The following PDLIM5 variants were observed in gnomAD, a reference collection of about 807,000 sequenced individuals.
PDLIM5 encodes the protein PDZ and LIM domain protein 5.
Under a neutral mutation model 64.2 loss-of-function variants are expected in PDLIM5, and 34 were observed. The observed-to-expected ratio is 0.53, with a 90% CI of 0.40 to 0.71. The LOEUF is 0.71. Among genes scored for constraint, PDLIM5 ranks in the 30% least tolerant of loss-of-function variants. The pLI is 0.00. For synonymous variants in PDLIM5, 253 were observed against 269.1 expected, an observed-to-expected ratio of 0.94 and a Z score of 0.59; for missense variants, 683 against 733.6, an observed-to-expected ratio of 0.93 and a Z score of 0.80.
At position 94,559,677 on chromosome 4, in the gene PDLIM5, C is replaced by T. The variant is rs544479611; in HGVS notation, c.249-13674C>T. ...AGATTATAATGCAAGTTCAATTTTC[C>T]TCAAATATGGATCTCAACATTAATT... On this transcript the variant is annotated intron_variant, in intron 3 of 12. Coordinates refer to ENST00000317968, the MANE Select transcript of PDLIM5 (RefSeq NM_006457.5). Among the ~76,000 whole-genome samples, 26 of 152,274 alleles carry T rather than the reference C, an allele frequency of 1.7e-4. 1 individual carries two copies. In the South Asian group the frequency reaches 4.4e-3, roughly 25 times the overall value.
chr4:94,558,304 A>G (rs988504031), intron 3 of PDLIM5, among the ~76,000 whole-genome samples: 2 of 152,158 alleles, frequency 1.3e-5, no homozygotes, highest in Non-Finnish European at 2.9e-5. Context: ...CTTGGCTGTA[A>G]GTAAAATTCA....
At chr4:94,622,951 A>G (rs1004525750) in intron 8 of PDLIM5, among the ~76,000 whole-genome samples, 1 of 151,956 alleles carries the variant, frequency 6.6e-6, no homozygotes, top group African/African-American at 2.4e-5. Context: ...TTACAGGCAT[A>G]AGCCACCACG....
intron 7 of PDLIM5, among the ~76,000 whole-genome samples, chr4:94,589,918 G>T (rs546996649): frequency 1.4e-4 from 1 of 7,314 alleles, no homozygotes; most frequent in South Asian, 4.2e-3. Context: ...GGGATTACAG[G>T]TGTGCACCAC....
At chr4:94,452,119 G>C (rs970679397) in intron 1 of PDLIM5, 124 bp downstream of exon 1, 1 of 152,424 alleles carries the variant, frequency 6.6e-6, no homozygotes, top group African/African-American at 2.4e-5. Flanking sequence ...GGCGCTCCTC[G>C]GGCAGGGATG....
intron 5 of PDLIM5, among the ~76,000 whole-genome samples, chr4:94,580,636 T>C (rs1735653452): frequency 6.6e-6 from 1 of 152,156 alleles, no homozygotes; most frequent in Non-Finnish European, 1.5e-5. Context: ...GATTCATTAA[T>C]CTGTTAGGTA....
chr4:94,523,609 T>C lies in PDLIM5; in HGVS notation c.97-115T>C, dbSNP rs1730023902. ...GTACATGTTAAACAAGACAGTTTTA[T>C]GTTACTTCAATAGTATATTAATATA... is the stretch of plus-strand genomic sequence containing the variant. On this transcript the variant is annotated intron_variant, in intron 2 of 12. Transcript: ENST00000317968. The C allele has an allele frequency of 1.0e-5, 6 of 593,258 alleles. No individual in the cohort carries two copies. In the South Asian group the frequency reaches 2.1e-4, roughly 21 times the overall value. The allele number at this position is 593,258 out of a possible 1,614,324, so 36.7% of individuals were successfully genotyped here.
At chr4:94,595,889 A>G (rs1009548267) in intron 7 of PDLIM5, among the ~76,000 whole-genome samples, 6 of 152,216 alleles carry the variant, frequency 3.9e-5, no homozygotes, top group East Asian at 1.9e-4. Context: ...GCCCCAAAAA[A>G]TAGAACAGCA....
intron 9 of PDLIM5, among the ~76,000 whole-genome samples, chr4:94,649,858 C>T (rs1741705318): frequency 6.6e-6 from 1 of 152,202 alleles, no homozygotes; most frequent in South Asian, 2.1e-4. Context: ...AGGTTACCTT[C>T]TTTAGAACTT....
intron 3 of PDLIM5, among the ~76,000 whole-genome samples, chr4:94,528,027 C>T (rs1730529599): frequency 6.6e-6 from 1 of 152,202 alleles, no homozygotes; most frequent in Non-Finnish European, 1.5e-5. Context: ...TCCCTCTGCT[C>T]AGAAGGTCGT....
chr4:94,484,371 A>G (rs1726130145), intron 2 of PDLIM5, among the ~76,000 whole-genome samples: 3 of 152,212 alleles, frequency 2.0e-5, no homozygotes, highest in Non-Finnish European at 4.4e-5. Flanking sequence ...AAAATTTGTG[A>G]GGAAGGCATT....
In PDLIM5 at chr4:94,660,449, T is replaced by A. The variant is rs563131590; in HGVS notation, c.1586-1973T>A. On this transcript the variant is annotated intron_variant, in intron 11 of 12. Transcript: ENST00000317968. ...CAGAGAGGCCTTTTCTAATTTTCCT[T>A]AATAGTGTAGTGCCCCCCCCAATTA... Among the ~76,000 whole-genome samples, 97 of 152,334 alleles carry A rather than the reference T, an allele frequency of 6.4e-4. 1 individual carries two copies. Among genetic ancestry groups the A allele is most frequent in the African/African-American group, 2.2e-3 (92 of 41,578 alleles).
chr4:94,658,856 A>G (rs1325245077), intron 11 of PDLIM5, among the ~76,000 whole-genome samples: 1 of 152,174 alleles, frequency 6.6e-6, no homozygotes, highest in African/African-American at 2.4e-5. Context: ...CATATTTTGT[A>G]ATTCCACTTA....
At chr4:94,483,512 A>G (rs1726055842) in intron 2 of PDLIM5, among the ~76,000 whole-genome samples, 1 of 152,182 alleles carries the variant, frequency 6.6e-6, no homozygotes, top group African/African-American at 2.4e-5. Context: ...AATAAGGTCC[A>G]TACTTTTGGA....
intron 2 of PDLIM5, among the ~76,000 whole-genome samples, chr4:94,520,154 A>G (rs1729707146): frequency 6.6e-6 from 1 of 152,186 alleles, no homozygotes; most frequent in Non-Finnish European, 1.5e-5. Flanking sequence ...TGTGCTTGCA[A>G]CTGAGGTGAG....
At chr4:94,498,125 C>T (rs1727574581) in intron 2 of PDLIM5, among the ~76,000 whole-genome samples, 1 of 152,106 alleles carries the variant, frequency 6.6e-6, no homozygotes. Flanking sequence ...ATTGAGAAAC[C>T]AAGTATTTGT....
chr4:94,502,741 G>T (rs190166364), intron 2 of PDLIM5, among the ~76,000 whole-genome samples: 1 of 152,184 alleles, frequency 6.6e-6, no homozygotes, highest in Non-Finnish European at 1.5e-5. Context: ...GCCGGGCGGG[G>T]TGGTATGCAC....
intron 11 of PDLIM5, among the ~76,000 whole-genome samples, chr4:94,658,587 TAGA>T (rs1390894807): frequency 1.3e-5 from 2 of 152,246 alleles, no homozygotes; most frequent in Admixed American, 1.3e-4. Flanking sequence ...TCTGTGCTGA[TAGA>T]AGGAGGTATT....
chr4:94,643,834 A>G (rs1174874331), intron 9 of PDLIM5, among the ~76,000 whole-genome samples: 1 of 152,174 alleles, frequency 6.6e-6, no homozygotes, highest in Non-Finnish European at 1.5e-5. Context: ...ATCTCAGTTT[A>G]CCAAGGAAAA....
chr4:94,529,314 C>G (rs1730649510), intron 3 of PDLIM5, among the ~76,000 whole-genome samples: 1 of 152,192 alleles, frequency 6.6e-6, no homozygotes, highest in South Asian at 2.1e-4. Flanking sequence ...GGATGAGGAC[C>G]ACTGCTGCCC....
Sources: gnomAD v4.1 joint callset for allele counts (sites outside exome capture counted in the v4.1 genomes callset) on GRCh38, gnomAD v4.1.1 for gene constraint, MANE v1.5 for transcripts, NCBI Gene and HGNC (gene_info 2026-07-23, HGNC 2026-07-21) for gene names.